The following CAMK1D variants were observed in gnomAD, a reference collection of about 807,000 sequenced individuals.
CAMK1D encodes the protein calcium/calmodulin dependent protein kinase ID.
A neutral mutation model predicts 47.7 loss-of-function variants in CAMK1D; 9 were observed. The ratio of observed to expected loss-of-function variants is 0.19; its 90% confidence interval spans 0.11 to 0.33. The LOEUF (loss-of-function observed/expected upper bound fraction) is 0.33, where lower values mean the gene tolerates loss of function less well. Ranked by LOEUF, CAMK1D falls within the 10% of genes least tolerant of loss-of-function variation. The probability of loss-of-function intolerance (pLI) is 1.00; values close to 1 mark genes in which losing one functional copy is unlikely to be tolerated. For missense variants in CAMK1D, 291 were observed against 488.7 expected, an observed-to-expected ratio of 0.60 and a Z score of 3.81; for synonymous variants, 184 against 184.9, an observed-to-expected ratio of 0.99 and a Z score of 0.04.
chr10:12,657,580 C>T (rs534315805), intron 2 of CAMK1D, among the ~76,000 whole-genome samples: 2 of 152,154 alleles, frequency 1.3e-5, no homozygotes, highest in Non-Finnish European at 2.9e-5. Context: ...TTAACTTTCT[C>T]CTTTGCAGCT....
At chr10:12,365,184 G>T (rs933069592) in intron 1 of CAMK1D, among the ~76,000 whole-genome samples, 1 of 152,032 alleles carries the variant, frequency 6.6e-6, no homozygotes, top group Admixed American at 6.6e-5. Flanking sequence ...TTGAATTCCT[G>T]ACCTCAAATG....
intron 1 of CAMK1D, among the ~76,000 whole-genome samples, chr10:12,538,331 T>C (rs1836045328): frequency 6.6e-6 from 1 of 152,182 alleles, no homozygotes; most frequent in Admixed American, 6.5e-5. Context: ...CTCGCGTTTA[T>C]AAGAGGTGAG....
rs1588580402 is a variant in CAMK1D at position 12,518,706 on chromosome 10, C to T, written c.93-34519C>T. 3.2e-5 allele frequency among the ~76,000 whole-genome samples: 3 copies of T among 92,504 alleles called. No individual in the cohort carries two copies. In the South Asian group the frequency reaches 1.8e-3, roughly 55 times the overall value. The allele number at this position is 92,504 out of a possible 152,430, so 60.7% of individuals were successfully genotyped here. A position where few individuals can be genotyped will look rare whatever the true frequency, so the allele number is the denominator to read the frequency against. ...TGATGACTCTTAACGAGCATGCTGC[C>T]TTCAAGCATCTGTTTAACAAAGCAC... is the stretch of plus-strand genomic sequence containing the variant. On this transcript the variant is annotated intron_variant, in intron 1 of 10. Coordinates refer to ENST00000619168, the MANE Select transcript of CAMK1D (RefSeq NM_153498.4).
In CAMK1D at chr10:12,427,706, T is replaced by TG. The variant is rs201325731; in HGVS notation, c.92+77796_92+77797insG. On this transcript the variant is annotated intron_variant, in intron 1 of 10. Transcript: ENST00000619168. ...TGGCTTCACTGAACTTACTGTTTTT[T>TG]TTTTTTTTTTTTTTTTTTTGAGACG... Among the ~76,000 whole-genome samples, 932 of 102,782 alleles carry TG rather than the reference T, an allele frequency of 9.1e-3. 46 individuals are homozygous for TG. The highest frequency in any genetic ancestry group is 0.018 in the South Asian group (50 of 2,848). The allele number at this position is 102,782 out of a possible 152,430, so 67.4% of individuals were successfully genotyped here. A position where few individuals can be genotyped will look rare whatever the true frequency, so the allele number is the denominator to read the frequency against.
rs1250846443 is a variant in CAMK1D, at chr10:12,519,075, C to T, written c.93-34150C>T. 4.0e-5 allele frequency among the ~76,000 whole-genome samples: 4 copies of T among 101,112 alleles called. 1 individual carries two copies. The highest frequency in any genetic ancestry group is 2.8e-4 in the Admixed American group (3 of 10,896). The allele number at this position is 101,112 out of a possible 152,430, so 66.3% of individuals were successfully genotyped here. On this transcript the variant is annotated intron_variant, in intron 1 of 10. Transcript: ENST00000619168. Reference sequence around the variant, plus strand: ...CCCAGTAGGGGTGGCCGGGCAGAAGCGCCCCTCACCTCCTGGATAGGGCGG... The same window carrying T: ...CCCAGTAGGGGTGGCCGGGCAGAAGTGCCCCTCACCTCCTGGATAGGGCGG...
At chr10:12,661,148 A>G (rs1840263313) in intron 2 of CAMK1D, among the ~76,000 whole-genome samples, 1 of 152,218 alleles carries the variant, frequency 6.6e-6, no homozygotes, top group Non-Finnish European at 1.5e-5. Context: ...GATGTTTACA[A>G]CCGAGTATCT....
intron 1 of CAMK1D, among the ~76,000 whole-genome samples, chr10:12,440,593 C>A (rs1334808398): frequency 5.9e-5 from 9 of 151,976 alleles, no homozygotes; most frequent in African/African-American, 2.2e-4. Flanking sequence ...CAGCCAGATA[C>A]CTGTTTTTTT....
chr10:12,419,251 A>G (rs548683598), intron 1 of CAMK1D, among the ~76,000 whole-genome samples: 6 of 148,856 alleles, frequency 4.0e-5, no homozygotes, highest in Admixed American at 1.3e-4. Context: ...TGCCCCTATG[A>G]AAAAAAAAAT....
At chr10:12,630,235 C>A (rs1173100075) in intron 2 of CAMK1D, among the ~76,000 whole-genome samples, 2 of 152,166 alleles carry the variant, frequency 1.3e-5, no homozygotes, top group African/African-American at 4.8e-5. Flanking sequence ...CATCTTCTCC[C>A]TAGTGAGCGC....
intron 2 of CAMK1D, among the ~76,000 whole-genome samples, chr10:12,613,976 GTCA>G (rs1186292847): frequency 1.3e-5 from 2 of 152,124 alleles, no homozygotes; most frequent in African/African-American, 2.4e-5. Context: ...CCATGTTCTG[GTCA>G]TCACCCCCAT....
At chr10:12,654,309 G>A (rs967591784) in intron 2 of CAMK1D, among the ~76,000 whole-genome samples, 1 of 152,170 alleles carries the variant, frequency 6.6e-6, no homozygotes, top group Non-Finnish European at 1.5e-5. Flanking sequence ...CCTTTCTAAG[G>A]TGATTTGGTG....
chr10:12,456,393 A>C (rs1006912987), intron 1 of CAMK1D: 8 of 152,176 alleles, frequency 5.3e-5, no homozygotes, highest in African/African-American at 1.9e-4. Context: ...CTGTTAGCCT[A>C]AGAGAATTGT....
At chr10:12,636,747 G>A (rs917194407) in intron 2 of CAMK1D, among the ~76,000 whole-genome samples, 2 of 152,142 alleles carry the variant, frequency 1.3e-5, no homozygotes, top group Admixed American at 6.5e-5. Context: ...CAAAGCTGAG[G>A]CTTTTTCTGT....
At chr10:12,624,984 CTTCCTCCTCT>C (rs1449388225) in intron 2 of CAMK1D, among the ~76,000 whole-genome samples, 2 of 137,542 alleles carry the variant, frequency 1.5e-5, no homozygotes, top group African/African-American at 5.2e-5. Context: ...CCTCCTTCTC[CTTCCTCCTCT>C]TTCCTCCTCC....
chr10:12,446,562 C>T (rs7916306), intron 1 of CAMK1D, among the ~76,000 whole-genome samples: 150,184 of 152,302 alleles, frequency 0.99, 74,088 homozygotes, highest in Middle Eastern at 1. Context: ...GCCTTAACTG[C>T]CTGGGAATGC....
chr10:12,787,877 G>A (rs1409146418), intron 5 of CAMK1D, among the ~76,000 whole-genome samples: 1 of 152,184 alleles, frequency 6.6e-6, no homozygotes, highest in Non-Finnish European at 1.5e-5. Context: ...GTGCACGCCT[G>A]TAATCCCAGC....
intron 1 of CAMK1D, among the ~76,000 whole-genome samples, chr10:12,548,256 T>C (rs1266600698): frequency 2.0e-5 from 3 of 152,196 alleles, no homozygotes; most frequent in East Asian, 1.9e-4. Context: ...ATCAAGTCAC[T>C]GACACCAGCT....
At chr10:12,478,955 C>T (rs546626736) in intron 1 of CAMK1D, among the ~76,000 whole-genome samples, 8 of 152,300 alleles carry the variant, frequency 5.3e-5, no homozygotes, top group South Asian at 2.1e-4. Flanking sequence ...AAGTGTTTGA[C>T]GTATTTTCTC....
At chr10:12,500,254 A>T (rs1231947691) in intron 1 of CAMK1D, among the ~76,000 whole-genome samples, 1 of 152,206 alleles carries the variant, frequency 6.6e-6, no homozygotes, top group Non-Finnish European at 1.5e-5. Context: ...CAATAAGAGC[A>T]AGACTCTGTT....
Sources: gnomAD v4.1 joint callset for allele counts (sites outside exome capture counted in the v4.1 genomes callset) on GRCh38, gnomAD v4.1.1 for gene constraint, MANE v1.5 for transcripts, NCBI Gene and HGNC (gene_info 2026-07-23, HGNC 2026-07-21) for gene names.